ADAMTSL1: variants seen among roughly 807,000 people sequenced by gnomAD.
ADAMTSL1 encodes ADAMTS like 1, also known as ADAMTS-like protein 1.
Under a neutral mutation model 201.8 loss-of-function variants are expected in ADAMTSL1, and 126 were observed. The ratio of observed to expected loss-of-function variants is 0.62; its 90% CI spans 0.54 to 0.72. ADAMTSL1 has a LOEUF of 0.72. Among genes scored for constraint, ADAMTSL1 ranks in the 30% least tolerant of loss-of-function variants. The pLI is 0.00. For synonymous variants in ADAMTSL1, 1,121 were observed against 903.4 expected (o/e 1.24, Z -4.32); for missense variants, 2,679 against 2,277.8 (o/e 1.18, Z -3.59).
chr9:18,203,970 GA>G (rs1829546822), intron 2 of ADAMTSL1, among the ~76,000 whole-genome samples: 1 of 152,214 alleles, frequency 6.6e-6, no homozygotes, highest in Admixed American at 6.5e-5. Context: ...TTACTGGGGA[GA>G]GGGGAGAAGA....
chr9:18,583,800 A>C (rs1823279696), intron 4 of ADAMTSL1, among the ~76,000 whole-genome samples: 1 of 152,176 alleles, frequency 6.6e-6, no homozygotes, highest in African/African-American at 2.4e-5. Flanking sequence ...TTGGGGCTTT[A>C]AGATTTGACT....
chr9:18,782,702 T>C (rs546624911), intron 19 of ADAMTSL1, among the ~76,000 whole-genome samples: 2 of 152,324 alleles, frequency 1.3e-5, no homozygotes, highest in African/African-American at 2.4e-5. Flanking sequence ...AATGATTTGG[T>C]GACCGCTTTA....
chr9:18,076,430 C>A (rs772862976), intron 1 of ADAMTSL1, among the ~76,000 whole-genome samples: 1 of 152,156 alleles, frequency 6.6e-6, no homozygotes, highest in Non-Finnish European at 1.5e-5. Context: ...AGTGAGCAAA[C>A]ACATGCATGA....
intron 2 of ADAMTSL1, among the ~76,000 whole-genome samples, chr9:18,274,203 C>T (rs1285650980): frequency 3.3e-5 from 5 of 152,206 alleles, no homozygotes; most frequent in African/African-American, 1.2e-4. Flanking sequence ...AAGCTCGAAT[C>T]TTTATCCCTA....
intron 2 of ADAMTSL1, among the ~76,000 whole-genome samples, chr9:18,380,366 G>T (rs997896353): frequency 2.0e-5 from 3 of 152,286 alleles, no homozygotes; most frequent in Admixed American, 2.0e-4. Flanking sequence ...GAAGCAGAAT[G>T]AACGGAAGAT....
At chr9:18,422,618 T>C (rs1236155644) in intron 2 of ADAMTSL1, among the ~76,000 whole-genome samples, 1 of 152,162 alleles carries the variant, frequency 6.6e-6, no homozygotes, top group African/African-American at 2.4e-5. Context: ...TTTTACCATC[T>C]TGCGCTCACC....
In ADAMTSL1 at chr9:18,829,971, C is replaced by A. The variant is rs1332209189; in HGVS notation, c.4243C>A (p.Leu1415Ile). ...GGTCCTGGATCCTGGGAATTCTGCTCTCCTTGGTGAGTCTAACCCTCGGAA... is the reference window on the plus strand; with the variant it reads ...GGTCCTGGATCCTGGGAATTCTGCTATCCTTGGTGAGTCTAACCCTCGGAA... ...QLVLDPGNSA[L>I]LGCPIKGHPV... The change falls in exon 23 of 29, where the codon CTC becomes ATC. Residue 1415 changes from leucine (L) to isoleucine (I), a missense_variant. Coordinates refer to ENST00000380548, the MANE Select transcript of ADAMTSL1 (RefSeq NM_001040272.6). 1 of 1,609,910 alleles carries A rather than the reference C, an allele frequency of 6.2e-7. No individual in the cohort carries two copies. Among genetic ancestry groups the A allele is most frequent in the Non-Finnish European group, 8.5e-7 (1 of 1,178,182 alleles).
intron 21 of ADAMTSL1, among the ~76,000 whole-genome samples, chr9:18,819,689 G>A (rs1396741290): frequency 6.6e-6 from 1 of 152,134 alleles, no homozygotes; most frequent in East Asian, 1.9e-4. Context: ...GTTTTCCCTG[G>A]CTATGACATT....
intron 1 of ADAMTSL1, among the ~76,000 whole-genome samples, chr9:18,029,218 G>A (rs1820827824): frequency 6.6e-6 from 1 of 152,080 alleles, no homozygotes; most frequent in African/African-American, 2.4e-5. Flanking sequence ...CGGACAATTT[G>A]ACTTCCTCTT....
chr9:18,871,838 A>G (rs1273352102), intron 23 of ADAMTSL1, among the ~76,000 whole-genome samples: 3 of 152,160 alleles, frequency 2.0e-5, no homozygotes, highest in African/African-American at 7.2e-5. Flanking sequence ...AAGCTAGTGC[A>G]TCTTGCAAAG....
chr9:18,380,311 A>C (rs185127329), intron 2 of ADAMTSL1, among the ~76,000 whole-genome samples: 1 of 152,334 alleles, frequency 6.6e-6, no homozygotes, highest in East Asian at 1.9e-4. Context: ...TTTAGAATGA[A>C]TGCACAATTT....
chr9:18,675,548 C>G (rs1197206633), intron 9 of ADAMTSL1, among the ~76,000 whole-genome samples: 2 of 152,064 alleles, frequency 1.3e-5, no homozygotes. Flanking sequence ...GATTAAAGAA[C>G]ATTTACAATC....
At chr9:18,382,730 GTACT>G (rs948401065) in intron 2 of ADAMTSL1, among the ~76,000 whole-genome samples, 5 of 152,042 alleles carry the variant, frequency 3.3e-5, no homozygotes, top group African/African-American at 4.8e-5. Flanking sequence ...ACATCACAGT[GTACT>G]TCTTGTGGTT....
intron 4 of ADAMTSL1, among the ~76,000 whole-genome samples, chr9:18,581,840 T>C (rs1018813048): frequency 2.0e-5 from 3 of 152,216 alleles, no homozygotes; most frequent in African/African-American, 7.2e-5. Context: ...TCAATCTATG[T>C]GCCTGCCAAG....
chr9:18,391,522 T>G (rs916186692), intron 2 of ADAMTSL1, among the ~76,000 whole-genome samples: 1 of 152,172 alleles, frequency 6.6e-6, no homozygotes, highest in Admixed American at 6.5e-5. Context: ...AATAGCTCAC[T>G]GTAGCCTTGA....
intron 14 of ADAMTSL1, among the ~76,000 whole-genome samples, chr9:18,709,554 T>A (rs1051768516): frequency 2.8e-4 from 42 of 152,308 alleles, no homozygotes; most frequent in African/African-American, 9.1e-4. Flanking sequence ...TAGTCTGTAG[T>A]TGGTGGCTGT....
At chr9:18,588,888 T>C (rs866396742) in intron 4 of ADAMTSL1, among the ~76,000 whole-genome samples, 1 of 115,110 alleles carries the variant, frequency 8.7e-6, no homozygotes, top group Non-Finnish European at 1.9e-5. Context: ...CATATACATA[T>C]ATATATATAT....
chr9:18,047,467 A>G (rs1358452965), intron 1 of ADAMTSL1, among the ~76,000 whole-genome samples: 1 of 152,182 alleles, frequency 6.6e-6, no homozygotes, highest in Non-Finnish European at 1.5e-5. Flanking sequence ...CAATAATACC[A>G]AGGCTGAGAA....
At chr9:18,013,512 A>G (rs777271978) in intron 1 of ADAMTSL1, among the ~76,000 whole-genome samples, 18 of 152,178 alleles carry the variant, frequency 1.2e-4, no homozygotes, top group African/African-American at 4.3e-4. Flanking sequence ...GGAGTTTTCT[A>G]ATGGTAAATA....
Sources: gnomAD v4.1 joint callset for allele counts (sites outside exome capture counted in the v4.1 genomes callset) on GRCh38, gnomAD v4.1.1 for gene constraint, MANE v1.5 for transcripts, NCBI Gene and HGNC (gene_info 2026-07-23, HGNC 2026-07-21) for gene names.